The following SYNPR variants were observed in gnomAD, a reference collection of about 807,000 sequenced individuals.
SYNPR encodes synaptoporin.
Under a neutral mutation model 32.9 loss-of-function variants are expected in SYNPR, and 23 were observed. The ratio of observed to expected loss-of-function variants is 0.70; its 90% CI spans 0.50 to 0.99. SYNPR has a LOEUF of 0.99. Ranked by LOEUF, SYNPR falls within the 50% of genes least tolerant of loss-of-function variation. SYNPR has a pLI of 0.00. For synonymous variants in SYNPR, 146 were observed against 135.9 expected, an observed-to-expected ratio of 1.07 and a Z score of -0.52; for missense variants, 318 against 349.3, an observed-to-expected ratio of 0.91 and a Z score of 0.71.
chr3:63,207,043 A>C, the SYNPR span, among the ~76,000 whole-genome samples: 1 of 152,200 alleles, frequency 6.6e-6, no homozygotes, highest in African/African-American at 2.4e-5. Context: ...GGAGAGAGGA[A>C]GTTTGGTTCC....
At position 63,268,990 on chromosome 3, in the gene SYNPR, A is replaced by C. The variant is rs574967544; in HGVS notation, n.287+1541A>C. Among the ~76,000 whole-genome samples the C allele has an allele frequency of 5.9e-5, 9 of 152,352 alleles. No homozygotes were observed. In the East Asian group the frequency reaches 1.7e-3, roughly 29 times the overall value. ...GACTTTTGTTATAATTTCAATAGTA[A>C]GAAATCACTGAGAAACCATTATATA... On this transcript the variant is annotated intron_variant and non_coding_transcript_variant, in intron 3 of 4. Coordinates refer to the SYNPR transcript ENST00000478456.
intron 4 of SYNPR, among the ~76,000 whole-genome samples, chr3:63,601,897 G>C (rs1700050324): frequency 6.6e-6 from 1 of 152,238 alleles, no homozygotes; most frequent in South Asian, 2.1e-4. Flanking sequence ...AGCTCTTTGA[G>C]GAATCACCAC....
At chr3:63,521,833 C>A (rs1206438568) in intron 3 of SYNPR, among the ~76,000 whole-genome samples, 2 of 152,160 alleles carry the variant, frequency 1.3e-5, no homozygotes, top group African/African-American at 4.8e-5. Context: ...GGGCAGGGTG[C>A]AGGGAAACCT....
In SYNPR at chr3:63,615,435, T is replaced by A; in HGVS notation, c.812T>A (p.Phe271Tyr). Reference protein sequence around the residue: ...QASLGPTSDEFGQQPTGPTSF... With the variant: ...QASLGPTSDEYGQQPTGPTSF... ...AGTTTGGGGCCAACCTCAGATGAGT[T>A]TGGCCAACAGCCTACTGGCCCCACT... Residue 271 changes from phenylalanine to tyrosine, a missense_variant, in exon 6 of 6, where the codon TTT (phenylalanine) becomes TAT (tyrosine). Transcript: ENST00000478300. 6.2e-7 allele frequency: 1 copy of A among 1,613,960 alleles called. No homozygotes were observed. Among genetic ancestry groups the A allele is most frequent in the Non-Finnish European group, 8.5e-7 (1 of 1,179,886 alleles).
chr3:63,451,472 T>C (rs1301372800), intron 2 of SYNPR, among the ~76,000 whole-genome samples: 4 of 152,162 alleles, frequency 2.6e-5, no homozygotes, highest in Non-Finnish European at 5.9e-5. Context: ...AAATGCAATA[T>C]GTATAAAGCC....
intron 2 of SYNPR, among the ~76,000 whole-genome samples, chr3:63,362,572 T>A (rs2107037074): frequency 6.6e-6 from 1 of 152,298 alleles, no homozygotes; most frequent in African/African-American, 2.4e-5. Flanking sequence ...AAAGTAACCT[T>A]TATCTTCAAG....
chr3:63,510,961 A>C lies in SYNPR; in HGVS notation c.209+30005A>C, dbSNP rs561701221. Reference sequence around the variant, plus strand: ...CGCGCACGTTGTGTGTGTGTGTTTCATTTGTTCTGCAAATGTGGTCTCCTG... The same window carrying C: ...CGCGCACGTTGTGTGTGTGTGTTTCCTTTGTTCTGCAAATGTGGTCTCCTG... On this transcript the variant is annotated intron_variant, in intron 3 of 5. Transcript: ENST00000478300. 2.9e-5 allele frequency among the ~76,000 whole-genome samples: 3 copies of C among 104,094 alleles called. No individual in the cohort carries two copies. The East Asian group carries it at 7.3e-4, about 25-fold the overall frequency. The allele number at this position is 104,094 out of a possible 152,430, so 68.3% of individuals were successfully genotyped here.
chr3:63,440,658 C>T (rs1479013487), intron 2 of SYNPR, among the ~76,000 whole-genome samples: 1 of 152,122 alleles, frequency 6.6e-6, no homozygotes, highest in Non-Finnish European at 1.5e-5. Flanking sequence ...AGCCTTAGAA[C>T]CTTATTTAGT....
chr3:63,522,661 C>A lies in SYNPR; in HGVS notation c.210-33882C>A, dbSNP rs567431487. On this transcript the variant is annotated intron_variant, in intron 3 of 5. Transcript: ENST00000478300. ...CTGCCCTGCTGAAGGACTGTCTTAA[C>A]AGAAGACAAATAAGCTCGAGGATGT... is the stretch of plus-strand genomic sequence containing the variant. 7.9e-4 allele frequency among the ~76,000 whole-genome samples: 120 copies of A among 152,254 alleles called. 1 individual carries two copies. The highest frequency in any genetic ancestry group is 2.7e-3 in the African/African-American group (113 of 41,548).
At chr3:63,251,648 A>G (rs975070960) in intron 1 of SYNPR, among the ~76,000 whole-genome samples, 2 of 152,138 alleles carry the variant, frequency 1.3e-5, no homozygotes, top group Non-Finnish European at 2.9e-5. Context: ...AGACATATCA[A>G]AGAGATCTGC....
At chr3:63,252,932 G>C (rs1442792714) in intron 2 of SYNPR, among the ~76,000 whole-genome samples, 1 of 151,662 alleles carries the variant, frequency 6.6e-6, no homozygotes, top group Non-Finnish European at 1.5e-5. Flanking sequence ...CCAGCTACTT[G>C]GGAGGCTGAG....
At chr3:63,530,840 A>G (rs1356740072) in intron 3 of SYNPR, among the ~76,000 whole-genome samples, 1 of 152,188 alleles carries the variant, frequency 6.6e-6, no homozygotes, top group Non-Finnish European at 1.5e-5. Context: ...GTAGTCAGCT[A>G]GCTAAATGGC....
At chr3:63,206,669 T>C in the SYNPR span, among the ~76,000 whole-genome samples, 1 of 152,226 alleles carries the variant, frequency 6.6e-6, no homozygotes, top group Non-Finnish European at 1.5e-5. Flanking sequence ...GAATGTGACA[T>C]AGAGATGTAT....
At chr3:63,526,893 A>T (rs1702022946) in intron 3 of SYNPR, among the ~76,000 whole-genome samples, 1 of 152,162 alleles carries the variant, frequency 6.6e-6, no homozygotes, top group Non-Finnish European at 1.5e-5. Context: ...CAGAGCTCAG[A>T]TGGTGAGTGG....
chr3:63,256,604 C>A (rs1328916061), intron 2 of SYNPR, among the ~76,000 whole-genome samples: 1 of 152,144 alleles, frequency 6.6e-6, no homozygotes, highest in Non-Finnish European at 1.5e-5. Context: ...GTAGATAAAA[C>A]CACAAAGATG....
chr3:63,441,177 A>T (rs1013198745), intron 2 of SYNPR, among the ~76,000 whole-genome samples: 2 of 152,220 alleles, frequency 1.3e-5, no homozygotes, highest in Non-Finnish European at 2.9e-5. Context: ...ACCCTGGAAT[A>T]AAAATTGTAA....
Position 63,466,753 on chromosome 3 carries a change from A to T in SYNPR, c.85-14079A>T, listed in dbSNP as rs990453986. 2.2e-5 allele frequency among the ~76,000 whole-genome samples: 3 copies of T among 134,024 alleles called. No individual in the cohort carries two copies. In the East Asian group the frequency reaches 7.8e-4, roughly 35 times the overall value. 87.9% of individuals were successfully genotyped at this position (134,024 alleles called of 152,430 possible). ...TCTCAGCCTGTGGAGAGGGACAGAG[A>T]AAGTGTCAGCTCTCTGGTGTCTCTT... On this transcript the variant is annotated intron_variant, in intron 2 of 5. Transcript: ENST00000478300.
intron 2 of SYNPR, among the ~76,000 whole-genome samples, chr3:63,258,066 T>C (rs2086403430): frequency 6.6e-6 from 1 of 152,164 alleles, no homozygotes; most frequent in Non-Finnish European, 1.5e-5. Flanking sequence ...CCCAGATCCA[T>C]AAAGCAAGTC....
intron 2 of SYNPR, among the ~76,000 whole-genome samples, chr3:63,285,115 T>G (rs891675810): frequency 6.6e-6 from 1 of 152,234 alleles, no homozygotes; most frequent in Admixed American, 6.5e-5. Context: ...TGTTATCCTA[T>G]TTTACAGTGT....
Sources: allele counts gnomAD v4.1 joint callset (sites outside exome capture counted in the v4.1 genomes callset), GRCh38; gene constraint gnomAD v4.1.1; transcripts MANE v1.5; gene names NCBI Gene and HGNC (gene_info 2026-07-23, HGNC 2026-07-21).